Variants in ZNF256 observed in about 807,000 individuals in gnomAD.
The protein encoded by ZNF256 is zinc finger protein 256, also known as bone marrow zinc finger 3.
ZNF256 carries 4 observed loss-of-function variants against 7.9 expected under a neutral mutation model. The observed-to-expected ratio is 0.50, with a 90% confidence interval of 0.25 to 1.15. The LOEUF (loss-of-function observed/expected upper bound fraction) is 1.15. Ranked by LOEUF, ZNF256 falls within the 50% of genes most tolerant of loss-of-function variation. The probability of loss-of-function intolerance (pLI) is 0.15; values close to 1 mark genes in which losing one functional copy is unlikely to be tolerated. For synonymous variants in ZNF256, 260 were observed against 260.4 expected (o/e 1.00, Z 0.02); for missense variants, 666 against 755.9 (o/e 0.88, Z 1.39).
rs1324221793 is a variant in ZNF256, at chr19:57,941,080, T to TA, written c.1727_1728insT (p.Glu576AspfsTer4). The TA allele has an allele frequency of 1.2e-6, 2 of 1,613,604 alleles. No homozygotes were observed. The highest frequency in any genetic ancestry group is 1.7e-6 in the Non-Finnish European group (2 of 1,179,902). ...TAAAGGATTTTCCACATTCACTGCATTCATAAGGCCTTTCTCCGGTATGAA... is the reference window on the plus strand; with the variant it reads ...TAAAGGATTTTCCACATTCACTGCATATCATAAGGCCTTTCTCCGGTATGAA... On this transcript the variant is annotated frameshift_variant, in exon 3 of 3. Coordinates refer to ENST00000282308, the MANE Select transcript of ZNF256 (RefSeq NM_005773.3). LOFTEE classifies it low-confidence loss of function (END_TRUNC).
At position 57,940,950 on chromosome 19, in the gene ZNF256, T is replaced by G; in HGVS notation, c.1858A>C (p.Lys620Gln). 1 of 1,614,122 alleles carries G rather than the reference T, an allele frequency of 6.2e-7. No homozygotes were observed. The highest frequency in any genetic ancestry group is 8.5e-7 in the Non-Finnish European group (1 of 1,179,974). The change falls in exon 3 of 3, where the codon AAA (lysine) becomes CAA (glutamine). Residue 620 changes from lysine to glutamine, a missense_variant. Transcript: ENST00000282308. ...KFFTFNSNLL[K>Q]HQNVHKG ...TATCCCTTGTGAACGTTCTGATGTT[T>G]TAGGAGGTTGGAGTTGAAGGTAAAA...
chr19:57,947,671 C>A lies in ZNF256; in HGVS notation c.-197G>T. The A allele has an allele frequency of 6.3e-5, 28 of 447,358 alleles. No homozygotes were observed. The highest frequency in any genetic ancestry group is 1.2e-4 in the South Asian group (1 of 8,054). The allele number at this position is 447,358 out of a possible 1,614,324, so 27.7% of individuals were successfully genotyped here. A position where few individuals can be genotyped will look rare whatever the true frequency, so the allele number is the denominator to read the frequency against. On this transcript the variant is annotated 5_prime_UTR_variant, in exon 1 of 3. Coordinates refer to ENST00000282308, the MANE Select transcript of ZNF256 (RefSeq NM_005773.3). Reference sequence around the variant, plus strand: ...CCAAGTAATCAGTCCAGACAAATGCCAAAACGACCGCCACAAGGAGGACAA... The same window carrying A: ...CCAAGTAATCAGTCCAGACAAATGCAAAAACGACCGCCACAAGGAGGACAA...
At chr19:57,944,184 G>A (rs753961837) in intron 1 of ZNF256, 124 bp from the exon 2 acceptor site, 98 of 1,410,818 alleles carry the variant, frequency 6.9e-5, no homozygotes, top group Non-Finnish European at 8.9e-5. Context: ...CCAGCTCAGA[G>A]GAGAAAGCAG....
At chr19:57,946,779 T>C (rs1246886495) in intron 1 of ZNF256, among the ~76,000 whole-genome samples, 1 of 152,216 alleles carries the variant, frequency 6.6e-6, no homozygotes, top group East Asian at 1.9e-4. Flanking sequence ...TATCCTCCTG[T>C]TCTTTGCTTC....
Position 57,941,741 on chromosome 19 carries a change from C to T in ZNF256, c.1067G>A (p.Cys356Tyr), listed in dbSNP as rs1184245288. Reference protein sequence around the residue: ...TGMRPYECSECGKSFIHSSSL... With the variant: ...TGMRPYECSEYGKSFIHSSSL... ...AGAACTATGGATAAAAGATTTCCCA[C>T]ATTCACTGCACTCATAAGGCCTCAT... Residue 356 changes from cysteine to tyrosine, a missense_variant, in exon 3 of 3, where the codon TGT (cysteine) becomes TAT (tyrosine). Coordinates refer to ENST00000282308, the MANE Select transcript of ZNF256 (RefSeq NM_005773.3). The T allele has an allele frequency of 1.9e-6, 3 of 1,614,048 alleles. No individual in the cohort carries two copies. The highest frequency in any genetic ancestry group is 1.3e-5 in the African/African-American group (1 of 74,932).
chr19:57,947,152 CG>C (rs377286878), intron 1 of ZNF256, among the ~76,000 whole-genome samples: 5 of 152,202 alleles, frequency 3.3e-5, no homozygotes, highest in African/African-American at 1.2e-4. Flanking sequence ...GCATCTATGG[CG>C]GTATTAGATG....
rs137968069 is a variant in ZNF256 at position 57,941,097 on chromosome 19, C to G, written c.1711G>C (p.Gly571Arg). ...SLVKHRRVHT[G>R]ERPYECSECG... Reference sequence around the variant, plus strand: ...TCACTGCATTCATAAGGCCTTTCTCCGGTATGAACTCTTCGGTGTTTAACG... The same window carrying G: ...TCACTGCATTCATAAGGCCTTTCTCGGGTATGAACTCTTCGGTGTTTAACG... The change falls in exon 3 of 3, where the codon GGA becomes CGA. Residue 571 changes from glycine to arginine, a missense_variant. Gly to Arg is a moderately radical substitution (Grantham distance 125, BLOSUM62 -2). Coordinates refer to ENST00000282308, the MANE Select transcript of ZNF256 (RefSeq NM_005773.3). The G allele has an allele frequency of 6.2e-7, 1 of 1,614,118 alleles. No individual in the cohort carries two copies. Among genetic ancestry groups the G allele is most frequent in the East Asian group, 2.2e-5 (1 of 44,880 alleles).
rs748617278 is a variant in ZNF256 at position 57,942,645 on chromosome 19, C to T, written c.163G>A (p.Gly55Ser). ...GCCTCCTCATCCCCTGCTCCAGAAC[C>T]ACCTGAAAGAAAGAAAATGCTGGTG... is the stretch of plus-strand genomic sequence containing the variant. ...ENLTLTTSLG[G>S]SGAGDEEAPY... The change falls in exon 3 of 3, where the codon GGT becomes AGT. Residue 55 changes from glycine to serine, a missense_variant and splice_region_variant. By Grantham distance (56) the Gly-to-Ser change is moderately conservative. Coordinates refer to ENST00000282308, the MANE Select transcript of ZNF256 (RefSeq NM_005773.3). The T allele has an allele frequency of 2.5e-6, 4 of 1,610,246 alleles. No homozygotes were observed. The African/African-American group carries it at 4.0e-5, about 16-fold the overall frequency.
chr19:57,942,777 G>C lies in ZNF256; in HGVS notation c.161-130C>G, dbSNP rs1028744813. On this transcript the variant is annotated intron_variant, in intron 2 of 2. Coordinates refer to ENST00000282308, the MANE Select transcript of ZNF256 (RefSeq NM_005773.3). Reference sequence around the variant, plus strand: ...GTTGTTTTCAGGACCAAGGTGTTGGGTTCAAGTTGAAGATAGGGCTGCCTA... The same window carrying C: ...GTTGTTTTCAGGACCAAGGTGTTGGCTTCAAGTTGAAGATAGGGCTGCCTA... 9 of 1,106,918 alleles carry C rather than the reference G, an allele frequency of 8.1e-6. No individual in the cohort carries two copies. The East Asian group carries it at 2.2e-4, about 27-fold the overall frequency. The allele number at this position is 1,106,918 out of a possible 1,614,324, so 68.6% of individuals were successfully genotyped here.
chr19:57,940,938 C>T lies in ZNF256; in HGVS notation c.1870G>A (p.Val624Ile), dbSNP rs527593247. The T allele has an allele frequency of 2.7e-5, 43 of 1,613,302 alleles. No individual in the cohort carries two copies. The highest frequency in any genetic ancestry group is 2.0e-4 in the South Asian group (18 of 91,042). The part of the protein sequence containing the change: ...FNSNLLKHQN[V>I]HKG Reference sequence around the variant, plus strand: ...TTACCTAACCTTTATCCCTTGTGAACGTTCTGATGTTTTAGGAGGTTGGAG... The same window carrying T: ...TTACCTAACCTTTATCCCTTGTGAATGTTCTGATGTTTTAGGAGGTTGGAG... Residue 624 changes from valine (V) to isoleucine (I), a missense_variant, in exon 3 of 3, where the codon GTT becomes ATT. By Grantham distance (29) the Val-to-Ile change is conservative. Transcript: ENST00000282308.
At position 57,942,258 on chromosome 19, in the gene ZNF256, G is replaced by C. The variant is rs200588846; in HGVS notation, c.550C>G (p.Leu184Val). 3.1e-6 allele frequency: 5 copies of C among 1,614,238 alleles called. No individual in the cohort carries two copies. In the African/African-American group the frequency reaches 6.7e-5, roughly 22 times the overall value. Residue 184 changes from leucine (L) to valine (V), a missense_variant, in exon 3 of 3, where the codon CTT (leucine) becomes GTT (valine). By Grantham distance (32) the Leu-to-Val change is conservative (BLOSUM62 1). Coordinates refer to ENST00000282308, the MANE Select transcript of ZNF256 (RefSeq NM_005773.3). ...CTGGTGTGAGCAGCCTGTTGCTGAA[G>C]AAATCTTGATCTCACCAGGAAATCC... is the stretch of plus-strand genomic sequence containing the variant. ...GKDFLVRSRF[L>V]QQQAAHTRKK...
In ZNF256 at chr19:57,943,926, G is replaced by GACC. The variant is rs771667028; in HGVS notation, c.160+5_160+7dup. 1 of 1,613,682 alleles carries GACC rather than the reference G, an allele frequency of 6.2e-7. No individual in the cohort carries two copies. The highest frequency in any genetic ancestry group is 1.3e-5 in the African/African-American group (1 of 74,906). The stretch of plus-strand genomic sequence containing the variant: ...CTCGGGGCATAGAGGTGGGTGTGAG[G>GACC]ACCTTACCCAGGGAGGTTGTAAGTG... On this transcript the variant is annotated splice_region_variant and intron_variant, in intron 2 of 2. Coordinates refer to ENST00000282308, the MANE Select transcript of ZNF256 (RefSeq NM_005773.3).
At chr19:57,945,438 C>G (rs2072760292) in intron 1 of ZNF256, among the ~76,000 whole-genome samples, 1 of 152,144 alleles carries the variant, frequency 6.6e-6, no homozygotes, top group African/African-American at 2.4e-5. Context: ...AGGAACTGTT[C>G]TGGTTCCCTG....
chr19:57,945,810 C>T (rs1313826645), intron 1 of ZNF256, among the ~76,000 whole-genome samples: 1 of 152,210 alleles, frequency 6.6e-6, no homozygotes, highest in Non-Finnish European at 1.5e-5. Context: ...CTGTGCTGCA[C>T]TTACCATCCC....
chr19:57,945,988 A>C (rs1279347697), intron 1 of ZNF256, among the ~76,000 whole-genome samples: 1 of 152,224 alleles, frequency 6.6e-6, no homozygotes, highest in African/African-American at 2.4e-5. Context: ...GGATACCCAT[A>C]AAGTGGTGAA....
At position 57,947,650 on chromosome 19, in the gene ZNF256, G is replaced by T; in HGVS notation, c.-176C>A. ...CCAGCGCTCCGGGGCTTTCTACCAAGTAATCAGTCCAGACAAATGCCAAAA... is the reference window on the plus strand; with the variant it reads ...CCAGCGCTCCGGGGCTTTCTACCAATTAATCAGTCCAGACAAATGCCAAAA... On this transcript the variant is annotated 5_prime_UTR_variant, in exon 1 of 3. Transcript: ENST00000282308. 3.7e-6 allele frequency: 2 copies of T among 545,896 alleles called. No homozygotes were observed. Among genetic ancestry groups the T allele is most frequent in the Non-Finnish European group, 5.6e-6 (2 of 355,450 alleles). The allele number at this position is 545,896 out of a possible 1,614,324, so 33.8% of individuals were successfully genotyped here.
rs1491184868 is a variant in ZNF256 at position 57,942,043 on chromosome 19, ACT to A, written c.763_764del (p.Ser255Ter). The A allele has an allele frequency of 5.0e-6, 8 of 1,614,172 alleles. No homozygotes were observed. Among genetic ancestry groups the A allele is most frequent in the Non-Finnish European group, 6.8e-6 (8 of 1,180,022 alleles). ...GKSFSTSCSL[S>X]DHLRVHTSEK... ...CTGAAGTGTGAACTCTCAAATGATCACTGAGGCTACAGCTTGTGCTAAAAGAT... is the reference window on the plus strand; with the variant it reads ...CTGAAGTGTGAACTCTCAAATGATCAGAGGCTACAGCTTGTGCTAAAAGAT... On this transcript the variant is annotated frameshift_variant, in exon 3 of 3. Coordinates refer to ENST00000282308, the MANE Select transcript of ZNF256 (RefSeq NM_005773.3). LOFTEE classifies it low-confidence loss of function (END_TRUNC).
At position 57,942,250 on chromosome 19, in the gene ZNF256, T is replaced by C. The variant is rs1568560581; in HGVS notation, c.558A>G (p.Gln186=). Residue 186 remains glutamine, a synonymous_variant, in exon 3 of 3, where the codon CAA becomes CAG. Coordinates refer to ENST00000282308, the MANE Select transcript of ZNF256 (RefSeq NM_005773.3). ...ACTTCTTTCTGGTGTGAGCAGCCTG[T>C]TGCTGAAGAAATCTTGATCTCACCA... ...DFLVRSRFLQ[Q]QAAHTRKKSN... is the part of the protein sequence containing the mutation. 1.9e-6 allele frequency: 3 copies of C among 1,614,252 alleles called. No individual in the cohort carries two copies. The highest frequency in any genetic ancestry group is 8.5e-7 in the Non-Finnish European group (1 of 1,180,034).
Position 57,941,078 on chromosome 19 carries a change from C to T in ZNF256, c.1730G>A (p.Cys577Tyr), listed in dbSNP as rs1418408957. 2 of 1,614,050 alleles carry T rather than the reference C, an allele frequency of 1.2e-6. No homozygotes were observed. Among genetic ancestry groups the T allele is most frequent in the African/African-American group, 2.7e-5 (2 of 74,932 alleles). ...RVHTGERPYE[C>Y]SECGKSFSQS... ...GCTAAAGGATTTTCCACATTCACTG[C>T]ATTCATAAGGCCTTTCTCCGGTATG... The change falls in exon 3 of 3, where the codon TGC (cysteine) becomes TAC (tyrosine). Residue 577 changes from cysteine (C) to tyrosine (Y), a missense_variant. By Grantham distance (194) the Cys-to-Tyr change is radical. Transcript: ENST00000282308.
Sources: gnomAD v4.1 joint callset for allele counts (sites outside exome capture counted in the v4.1 genomes callset) on GRCh38, gnomAD v4.1.1 for gene constraint, MANE v1.5 for transcripts, NCBI Gene and HGNC (gene_info 2026-07-23, HGNC 2026-07-21) for gene names.